Variants in NRG3 observed in about 807,000 individuals in gnomAD.
The protein encoded by NRG3 is pro-neuregulin-3, membrane-bound isoform.
In NRG3, 31 loss-of-function variants were observed where a neutral mutation model predicts 66.9. That is an observed-to-expected ratio of 0.46 (90% CI 0.35 to 0.63). NRG3 has a LOEUF of 0.63. Ranked by LOEUF, NRG3 falls within the 20% of genes least tolerant of loss-of-function variation. The pLI, the probability that NRG3 is intolerant of heterozygous loss-of-function variation, is 0.00. For missense variants in NRG3, 910 were observed against 878.9 expected, an observed-to-expected ratio of 1.04 and a Z score of -0.45; for synonymous variants, 393 against 359.4, an observed-to-expected ratio of 1.09 and a Z score of -1.06.
At chr10:81,946,653 CAT>C (rs762705829) in intron 1 of NRG3, among the ~76,000 whole-genome samples, 51 of 152,036 alleles carry the variant, frequency 3.4e-4, no homozygotes, top group Non-Finnish European at 6.0e-4. Flanking sequence ...ATAAGAATAA[CAT>C]GTGCAGCTAA....
rs146471615 is a variant in NRG3, at chr10:82,742,715, A to G, written c.1027+4065A>G. On this transcript the variant is annotated intron_variant, in intron 3 of 8. Coordinates refer to ENST00000372141, the MANE Select transcript of NRG3 (RefSeq NM_001010848.4). The stretch of plus-strand genomic sequence containing the variant: ...GGCATATTTCTGCCTCCTGCCTCCT[A>G]TGCTGCCAGCGCACTGAGGGATAGC... 1.4e-3 allele frequency among the ~76,000 whole-genome samples: 219 copies of G among 152,154 alleles called. 1 individual carries two copies. Among genetic ancestry groups the G allele is most frequent in the Middle Eastern group, 6.8e-3 (2 of 294 alleles).
At chr10:82,973,394 T>G (rs1851945217) in intron 6 of NRG3, among the ~76,000 whole-genome samples, 1 of 152,220 alleles carries the variant, frequency 6.6e-6, no homozygotes, top group African/African-American at 2.4e-5. Flanking sequence ...ATTTAATAAG[T>G]GTTGATTCAA....
intron 2 of NRG3, among the ~76,000 whole-genome samples, chr10:82,447,013 G>C (rs1338916349): frequency 6.6e-6 from 1 of 152,172 alleles, no homozygotes; most frequent in African/African-American, 2.4e-5. Context: ...CAGAAAAATG[G>C]ATCAAGAGGA....
At chr10:82,510,381 A>G (rs1845063666) in intron 2 of NRG3, among the ~76,000 whole-genome samples, 1 of 152,152 alleles carries the variant, frequency 6.6e-6, no homozygotes, top group Admixed American at 6.5e-5. Flanking sequence ...CTTCCATGGA[A>G]GAAGGGCTCT....
chr10:82,589,235 A>G (rs1398415497), intron 2 of NRG3, among the ~76,000 whole-genome samples: 2 of 152,350 alleles, frequency 1.3e-5, no homozygotes, highest in East Asian at 3.9e-4. Context: ...ACGAAAGCAC[A>G]ACCCAAGGCA....
chr10:82,767,818 A>G (rs1478211706), intron 3 of NRG3, among the ~76,000 whole-genome samples: 1 of 152,002 alleles, frequency 6.6e-6, no homozygotes, highest in Non-Finnish European at 1.5e-5. Context: ...GAATGTCTCT[A>G]AGGATATTAC....
At chr10:82,482,851 C>T (rs1842388333) in intron 2 of NRG3, among the ~76,000 whole-genome samples, 1 of 151,992 alleles carries the variant, frequency 6.6e-6, no homozygotes, top group East Asian at 1.9e-4. Context: ...TAATGATGTA[C>T]CTACAGGATT....
chr10:82,663,071 C>T (rs1428294434), intron 2 of NRG3, among the ~76,000 whole-genome samples: 4 of 152,216 alleles, frequency 2.6e-5, no homozygotes, highest in South Asian at 2.1e-4. Context: ...AAACCATGTT[C>T]TCTTACCAAG....
intron 3 of NRG3, among the ~76,000 whole-genome samples, chr10:82,845,703 T>G (rs1418379957): frequency 2.0e-5 from 3 of 151,970 alleles, no homozygotes; most frequent in African/African-American, 7.3e-5. Flanking sequence ...AAAGTAGATA[T>G]GGAAGAGTAT....
intron 2 of NRG3, among the ~76,000 whole-genome samples, chr10:82,456,058 C>A (rs1214860614): frequency 6.6e-6 from 1 of 151,748 alleles, no homozygotes; most frequent in African/African-American, 2.4e-5. Context: ...AACACAAACA[C>A]ATTATACAGC....
intron 1 of NRG3, among the ~76,000 whole-genome samples, chr10:82,098,819 A>G (rs2066540503): frequency 6.6e-6 from 1 of 152,150 alleles, no homozygotes; most frequent in Non-Finnish European, 1.5e-5. Flanking sequence ...GCTGGAGCGC[A>G]GTGGTGCGAT....
chr10:82,169,383 T>C (rs137952071), intron 1 of NRG3, among the ~76,000 whole-genome samples: 26 of 152,110 alleles, frequency 1.7e-4, no homozygotes, highest in African/African-American at 6.3e-4. Flanking sequence ...GGAACAATTA[T>C]CTATATTTCA....
At chr10:81,915,505 T>TTTTTTTTTTTTTTTTTGC (rs1564654214) in intron 1 of NRG3, among the ~76,000 whole-genome samples, 1 of 151,376 alleles carries the variant, frequency 6.6e-6, no homozygotes, top group African/African-American at 2.4e-5. Context: ...AGTTTTTTTT[T>TTTTTTTTTTTTTTTTTGC]TTTTTGCCAA....
intron 1 of NRG3, among the ~76,000 whole-genome samples, chr10:82,132,904 A>G (rs894943874): frequency 6.6e-6 from 1 of 151,856 alleles, no homozygotes; most frequent in African/African-American, 2.4e-5. Flanking sequence ...GAATTTCTTC[A>G]ATATAAATTA....
At chr10:82,517,671 ATGTGTGTG>A (rs140575448) in intron 2 of NRG3, among the ~76,000 whole-genome samples, 4 of 133,048 alleles carry the variant, frequency 3.0e-5, no homozygotes, top group East Asian at 4.4e-4. Flanking sequence ...GTGTGTGTGC[ATGTGTGTG>A]TGTGTGTGTG....
chr10:81,886,123 A>G (rs2132516607), intron 1 of NRG3, among the ~76,000 whole-genome samples: 2 of 152,266 alleles, frequency 1.3e-5, no homozygotes, highest in South Asian at 2.1e-4. Flanking sequence ...ACGTTTACCT[A>G]TGTAACAAAT....
chr10:82,411,978 G>A (rs1429962759), intron 2 of NRG3, among the ~76,000 whole-genome samples: 1 of 152,050 alleles, frequency 6.6e-6, no homozygotes, highest in Non-Finnish European at 1.5e-5. Context: ...GGAAAAAGTT[G>A]ATTCTATTAA....
At chr10:82,322,038 T>C (rs747245311) in intron 1 of NRG3, among the ~76,000 whole-genome samples, 1 of 152,214 alleles carries the variant, frequency 6.6e-6, no homozygotes, top group Non-Finnish European at 1.5e-5. Flanking sequence ...TCCATTATCT[T>C]ATGATATTTT....
intron 3 of NRG3, among the ~76,000 whole-genome samples, chr10:82,794,757 G>A (rs1480001444): frequency 6.6e-6 from 1 of 151,896 alleles, no homozygotes; most frequent in Non-Finnish European, 1.5e-5. Flanking sequence ...ATACATCGAA[G>A]AGTAAAATGC....
Sources: gnomAD v4.1 joint callset for allele counts (sites outside exome capture counted in the v4.1 genomes callset) on GRCh38, gnomAD v4.1.1 for gene constraint, MANE v1.5 for transcripts, NCBI Gene and HGNC (gene_info 2026-07-23, HGNC 2026-07-21) for gene names.